The following EXOC6B variants were observed in gnomAD, a reference collection of about 807,000 sequenced individuals.
EXOC6B encodes the protein exocyst complex component 6B.
In EXOC6B, 54 loss-of-function variants were observed where a neutral mutation model predicts 113.5. That is an observed-to-expected ratio of 0.48 (90% CI 0.38 to 0.60). The LOEUF (loss-of-function observed/expected upper bound fraction) is 0.60, where lower values mean the gene tolerates loss of function less well. Ranked by LOEUF, EXOC6B falls within the 20% of genes least tolerant of loss-of-function variation. EXOC6B has a pLI of 0.00. For synonymous variants in EXOC6B, 357 were observed against 339.0 expected (o/e 1.05, Z -0.58); for missense variants, 797 against 977.5 (o/e 0.82, Z 2.46).
chr2:72,743,950 C>T (rs540332843), intron 1 of EXOC6B, among the ~76,000 whole-genome samples: 1 of 152,096 alleles, frequency 6.6e-6, no homozygotes, highest in Non-Finnish European at 1.5e-5. Context: ...TAACGATGGA[C>T]CACATATATA....
chr2:72,336,261 G>T (rs1688685036), intron 19 of EXOC6B, among the ~76,000 whole-genome samples: 1 of 152,152 alleles, frequency 6.6e-6, no homozygotes, highest in East Asian at 1.9e-4. Context: ...AATCTATCAA[G>T]ATATTTGCAT....
intron 11 of EXOC6B, among the ~76,000 whole-genome samples, chr2:72,502,110 G>C (rs1700356254): frequency 6.6e-6 from 1 of 152,086 alleles, no homozygotes; most frequent in Admixed American, 6.6e-5. Flanking sequence ...GGAATTAATA[G>C]CATTAATTAC....
rs541716486 is a variant in EXOC6B at position 72,377,637 on chromosome 2, T to C, written c.2122+2092A>G. ...GACAAATAGTGCATAATCTTACCTATACATGGAATCTACAAAAGTTGAACT... is the reference window on the plus strand; with the variant it reads ...GACAAATAGTGCATAATCTTACCTACACATGGAATCTACAAAAGTTGAACT... On this transcript the variant is annotated intron_variant, in intron 19 of 21. Transcript: ENST00000272427. Among the ~76,000 whole-genome samples, 599 of 152,292 alleles carry C rather than the reference T, an allele frequency of 3.9e-3. 3 individuals are homozygous for C. The highest frequency in any genetic ancestry group is 0.011 in the South Asian group (53 of 4,828).
intron 20 of EXOC6B, among the ~76,000 whole-genome samples, chr2:72,248,986 G>A (rs1024697405): frequency 6.6e-6 from 1 of 152,210 alleles, no homozygotes; most frequent in African/African-American, 2.4e-5. Flanking sequence ...AAACAAGGCT[G>A]GGTGTGGTAG....
intron 6 of EXOC6B, among the ~76,000 whole-genome samples, chr2:72,631,903 A>G (rs983807723): frequency 2.0e-5 from 3 of 152,186 alleles, no homozygotes; most frequent in African/African-American, 7.2e-5. Flanking sequence ...AACAGAATAC[A>G]AGGATTATCA....
chr2:72,608,747 CA>C (rs1190400850), intron 6 of EXOC6B, among the ~76,000 whole-genome samples: 2 of 151,560 alleles, frequency 1.3e-5, no homozygotes, highest in African/African-American at 4.8e-5. Flanking sequence ...AAAATAATAC[CA>C]AAAAGTGAAA....
At chr2:72,411,487 T>A (rs181250863) in intron 18 of EXOC6B, among the ~76,000 whole-genome samples, 2 of 152,208 alleles carry the variant, frequency 1.3e-5, no homozygotes, top group East Asian at 3.9e-4. Flanking sequence ...AGCATATAGA[T>A]GGGACCTCAA....
At chr2:72,510,260 A>G (rs1207361799) in intron 11 of EXOC6B, among the ~76,000 whole-genome samples, 1 of 152,210 alleles carries the variant, frequency 6.6e-6, no homozygotes, top group Non-Finnish European at 1.5e-5. Flanking sequence ...GCATTCTAGT[A>G]GATGCTGCTC....
chr2:72,678,941 C>T (rs1206717294), intron 6 of EXOC6B, among the ~76,000 whole-genome samples: 1 of 152,186 alleles, frequency 6.6e-6, no homozygotes, highest in Non-Finnish European at 1.5e-5. Flanking sequence ...AATCTCTCTC[C>T]TCTAAAGTAA....
intron 20 of EXOC6B, among the ~76,000 whole-genome samples, chr2:72,271,960 C>T (rs543256645): frequency 6.6e-6 from 1 of 152,142 alleles, no homozygotes; most frequent in African/African-American, 2.4e-5. Context: ...TTTTCCTCCC[C>T]TTTTCCCCTC....
chr2:72,715,044 A>G (rs981706598), intron 6 of EXOC6B, among the ~76,000 whole-genome samples: 4 of 152,066 alleles, frequency 2.6e-5, no homozygotes, highest in Non-Finnish European at 4.4e-5. Context: ...AGGCGGGTGG[A>G]TCACGAGGTC....
At chr2:72,224,134 T>C (rs1402364668) in intron 20 of EXOC6B, among the ~76,000 whole-genome samples, 2 of 152,130 alleles carry the variant, frequency 1.3e-5, no homozygotes, top group African/African-American at 4.8e-5. Flanking sequence ...TATATAAACA[T>C]CTAGTTTGCA....
chr2:72,350,804 T>C (rs1167470280), intron 19 of EXOC6B, among the ~76,000 whole-genome samples: 1 of 152,214 alleles, frequency 6.6e-6, no homozygotes, highest in African/African-American at 2.4e-5. Flanking sequence ...AATGAACTTT[T>C]TCTCAAGCTA....
intron 7 of EXOC6B, among the ~76,000 whole-genome samples, chr2:72,567,825 C>CA (rs1704276265): frequency 6.6e-6 from 1 of 151,844 alleles, no homozygotes; most frequent in Non-Finnish European, 1.5e-5. Flanking sequence ...ACTAACACTA[C>CA]AAAAAATAAG....
chr2:72,633,270 G>T (rs540826024), intron 6 of EXOC6B, among the ~76,000 whole-genome samples: 2 of 152,164 alleles, frequency 1.3e-5, no homozygotes, highest in African/African-American at 4.8e-5. Flanking sequence ...TCCCAGGAAC[G>T]GGGGAATAAA....
chr2:72,386,376 T>C (rs1266333653), intron 18 of EXOC6B, among the ~76,000 whole-genome samples: 1 of 152,142 alleles, frequency 6.6e-6, no homozygotes, highest in Admixed American at 6.5e-5. Context: ...GGAATCTGCA[T>C]AACTAAAAGG....
chr2:72,550,274 G>C (rs1196004946), intron 8 of EXOC6B, among the ~76,000 whole-genome samples: 2 of 152,054 alleles, frequency 1.3e-5, no homozygotes, highest in Non-Finnish European at 2.9e-5. Context: ...GCCAATTTGT[G>C]ACTTGAGAAT....
At chr2:72,764,152 T>C (rs2104912635) in intron 1 of EXOC6B, among the ~76,000 whole-genome samples, 1 of 152,192 alleles carries the variant, frequency 6.6e-6, no homozygotes, top group South Asian at 2.1e-4. Context: ...TATTGTCTAT[T>C]TCCTACTATA....
At chr2:72,422,711 A>T (rs188387991) in intron 18 of EXOC6B, among the ~76,000 whole-genome samples, 214 of 152,248 alleles carry the variant, frequency 1.4e-3, no homozygotes, top group African/African-American at 4.9e-3. Context: ...CACACCAATC[A>T]GCACCCAGTG....
Sources: allele counts gnomAD v4.1 joint callset (sites outside exome capture counted in the v4.1 genomes callset), GRCh38; gene constraint gnomAD v4.1.1; transcripts MANE v1.5; gene names NCBI Gene and HGNC (gene_info 2026-07-23, HGNC 2026-07-21).